GSE1: variants seen among roughly 807,000 people sequenced by gnomAD.
GSE1 encodes the protein genetic suppressor element 1.
GSE1 carries 32 observed loss-of-function variants against 112.6 expected under a neutral mutation model. The observed-to-expected ratio is 0.28, with a 90% CI of 0.21 to 0.38. GSE1 has a LOEUF of 0.38. Among genes scored for constraint, GSE1 ranks in the 10% least tolerant of loss-of-function variants. The pLI, the probability that GSE1 is intolerant of heterozygous loss-of-function variation, is 1.00. For missense variants in GSE1, 2,348 were observed against 1,699.2 expected, an observed-to-expected ratio of 1.38 and a Z score of -6.71; for synonymous variants, 1,115 against 735.6, an observed-to-expected ratio of 1.52 and a Z score of -8.35.
chr16:85,176,096 C>T (rs1328370886), intron 1 of GSE1, among the ~76,000 whole-genome samples: 1 of 152,188 alleles, frequency 6.6e-6, no homozygotes, highest in Non-Finnish European at 1.5e-5. Context: ...TCAAGCAAAC[C>T]TCCCACCCCA....
chr16:85,221,776 C>T (rs970694449), intron 1 of GSE1, among the ~76,000 whole-genome samples: 1 of 152,202 alleles, frequency 6.6e-6, no homozygotes, highest in African/African-American at 2.4e-5. Flanking sequence ...CCCCCAGACA[C>T]CCTGGCATCT....
At chr16:85,209,076 C>T (rs896689866) in intron 1 of GSE1, among the ~76,000 whole-genome samples, 3 of 144,714 alleles carry the variant, frequency 2.1e-5, no homozygotes, top group Non-Finnish European at 4.5e-5. Context: ...TGTTGGGGTT[C>T]GCTGTGTGTT....
In GSE1 at chr16:85,301,062, G is replaced by T. The variant is rs531185972; in HGVS notation, c.2284-56401G>T. Among the ~76,000 whole-genome samples, 592 of 152,286 alleles carry T rather than the reference G, an allele frequency of 3.9e-3. 1 individual carries two copies. Among genetic ancestry groups the T allele is most frequent in the Non-Finnish European group, 7.5e-3 (508 of 68,014 alleles). On this transcript the variant is annotated intron_variant, in intron 1 of 2. Transcript: ENST00000637419. Reference sequence around the variant, plus strand: ...CACTACACAGAATTCCCCTGTGGTTGCACCTACCGGCTCTCTAAAGTGGCC... The same window carrying T: ...CACTACACAGAATTCCCCTGTGGTTTCACCTACCGGCTCTCTAAAGTGGCC...
At chr16:85,403,094 G>GA (rs905160005) in intron 2 of GSE1, among the ~76,000 whole-genome samples, 37 of 145,690 alleles carry the variant, frequency 2.5e-4, no homozygotes, top group Non-Finnish European at 4.6e-4. Flanking sequence ...TGGTTGCTGG[G>GA]GGGGGACTCA....
At position 85,419,575 on chromosome 16, in the gene GSE1, C is replaced by T. The variant is rs2048780642; in HGVS notation, c.2464+61932C>T. On this transcript the variant is annotated intron_variant, in intron 2 of 2. Coordinates refer to the GSE1 transcript ENST00000637419. This position sits in a 1 kb window ranked among gnomAD's most constrained non-coding sequence, Gnocchi z 6.5. ...GAGCCATGACTGCATCACTGTACTC[C>T]AGCCTGGGCAATAGAGCAAGGCTGT... is the stretch of plus-strand genomic sequence containing the variant. Among the ~76,000 whole-genome samples the T allele has an allele frequency of 6.6e-6, 1 of 150,868 alleles. No individual in the cohort carries two copies. The highest frequency in any genetic ancestry group is 2.4e-5 in the African/African-American group (1 of 40,926).
chr16:85,623,890 G>A lies in GSE1; in HGVS notation c.8-10024G>A, dbSNP rs185558616. 2.5e-4 allele frequency among the ~76,000 whole-genome samples: 38 copies of A among 152,234 alleles called. No individual in the cohort carries two copies. In the East Asian group the frequency reaches 6.2e-3, roughly 25 times the overall value. On this transcript the variant is annotated intron_variant, in intron 1 of 15. Coordinates refer to ENST00000253458, the MANE Select transcript of GSE1 (RefSeq NM_014615.5). Reference sequence around the variant, plus strand: ...ACCTGTTGGTGTCCAGCTCCTGTACGGCCTGGTCCCTGTTCTTGGCTGTAG... The same window carrying A: ...ACCTGTTGGTGTCCAGCTCCTGTACAGCCTGGTCCCTGTTCTTGGCTGTAG...
chr16:85,473,497 G>C lies in GSE1; in HGVS notation c.2464+115854G>C, dbSNP rs1232655224. Among the ~76,000 whole-genome samples, 3 of 152,308 alleles carry C rather than the reference G, an allele frequency of 2.0e-5. No homozygotes were observed. The East Asian group carries it at 5.8e-4, about 29-fold the overall frequency. On this transcript the variant is annotated intron_variant, in intron 2 of 2. Coordinates refer to the GSE1 transcript ENST00000637419. ...ATCTGGCAGGGCCGGGCTCTCTCCA[G>C]GGCTCCGAGAGAAGACCCTCCCTGC...
upstream of GSE1, among the ~76,000 whole-genome samples, chr16:85,612,669 C>G (rs530689372): frequency 1.7e-4 from 24 of 138,140 alleles, no homozygotes; most frequent in South Asian, 4.7e-3. Flanking sequence ...AGTATTCAGC[C>G]TTTTCTAGTT....
intron 1 of GSE1, among the ~76,000 whole-genome samples, chr16:85,617,009 T>A (rs1297958788): frequency 6.6e-6 from 1 of 152,090 alleles, no homozygotes; most frequent in African/African-American, 2.4e-5. Flanking sequence ...ACCAGCCTCT[T>A]CTCTCACGCC....
Position 85,673,120 on chromosome 16 carries a change from G to C in GSE1, c.*581G>C, listed in dbSNP as rs936315087. 6.6e-6 allele frequency: 1 copy of C among 152,216 alleles called. No individual in the cohort carries two copies. Among genetic ancestry groups the C allele is most frequent in the East Asian group, 1.9e-4 (1 of 5,196 alleles). 9.4% of individuals were successfully genotyped at this position (152,216 alleles called of 1,614,324 possible). On this transcript the variant is annotated 3_prime_UTR_variant, in exon 16 of 16. Coordinates refer to ENST00000253458, the MANE Select transcript of GSE1 (RefSeq NM_014615.5). ...TAGGAGCACACAAAGCAACCCAAAG[G>C]CTTTTCCCTGGAAAAGCTCTTTCTT...
intron 2 of GSE1, among the ~76,000 whole-genome samples, chr16:85,516,739 C>T (rs530869957): frequency 2.7e-4 from 41 of 151,446 alleles, no homozygotes; most frequent in Admixed American, 1.8e-3. Flanking sequence ...GTATTCGTAG[C>T]GTTACCTACT....
At chr16:85,533,694 T>A (rs774550851) in intron 2 of GSE1, among the ~76,000 whole-genome samples, 1 of 151,968 alleles carries the variant, frequency 6.6e-6, no homozygotes, top group Non-Finnish European at 1.5e-5. Context: ...AGGGACCCCA[T>A]CTCTACAAAA....
chr16:85,483,880 G>T (rs527917996), intron 2 of GSE1, among the ~76,000 whole-genome samples: 1 of 152,368 alleles, frequency 6.6e-6, no homozygotes, highest in East Asian at 1.9e-4. Context: ...CTGCCAGCAG[G>T]CCTCTGGGCC....
intron 2 of GSE1, among the ~76,000 whole-genome samples, chr16:85,396,239 G>T (rs954320817): frequency 6.6e-6 from 1 of 152,182 alleles, no homozygotes; most frequent in East Asian, 1.9e-4. Flanking sequence ...AGGATAACAC[G>T]CTGTCCTGCT....
chr16:85,638,312 C>T (rs769881441), intron 2 of GSE1, among the ~76,000 whole-genome samples: 57 of 152,174 alleles, frequency 3.7e-4, no homozygotes, highest in Non-Finnish European at 7.3e-4. Context: ...GGCGCTGAGA[C>T]GTCTTCTCTT....
intron 2 of GSE1, among the ~76,000 whole-genome samples, chr16:85,502,732 G>T (rs1284481243): frequency 1.3e-5 from 2 of 152,242 alleles, no homozygotes; most frequent in Non-Finnish European, 2.9e-5. Flanking sequence ...GGAGTGAGCT[G>T]GGCAGGGCCA....
At chr16:85,470,661 C>T (rs1229343746) in intron 2 of GSE1, among the ~76,000 whole-genome samples, 4 of 152,196 alleles carry the variant, frequency 2.6e-5, no homozygotes, top group African/African-American at 9.6e-5. Context: ...AGGGCTGCAC[C>T]TTGTGGGTCT....
intron 2 of GSE1, among the ~76,000 whole-genome samples, chr16:85,460,598 TGAGGCCTCGGCTGCTCCAAGCTGGGCAA>T (rs759027350): frequency 1.3e-5 from 2 of 152,222 alleles, no homozygotes; most frequent in African/African-American, 2.4e-5. Context: ...TTCGGGTGAA[TGAGGCCTCGGCTGCTCCAAGCTGGGCAA>T]GAGCCGGCAG....
intron 2 of GSE1, among the ~76,000 whole-genome samples, chr16:85,367,053 C>G (rs946813974): frequency 9.8e-5 from 15 of 152,344 alleles, no homozygotes; most frequent in African/African-American, 3.6e-4. Context: ...GCCTGGCCAC[C>G]ACCCTGCCGT....
Sources: allele counts gnomAD v4.1 joint callset (sites outside exome capture counted in the v4.1 genomes callset), GRCh38; gene constraint gnomAD v4.1.1; non-coding constraint Gnocchi (gnomAD v3.1); transcripts MANE v1.5; gene names NCBI Gene and HGNC (gene_info 2026-07-23, HGNC 2026-07-21).